PALD1: variants seen among roughly 807,000 people sequenced by gnomAD.
The protein encoded by PALD1 is paladin.
A neutral mutation model predicts 96.0 loss-of-function variants in PALD1; 57 were observed. The observed-to-expected ratio is 0.59, with a 90% CI of 0.48 to 0.74. The LOEUF (loss-of-function observed/expected upper bound fraction) is 0.74, where lower values mean the gene tolerates loss of function less well. Ranked by LOEUF, PALD1 falls within the 30% of genes least tolerant of loss-of-function variation. The pLI is 0.00. For synonymous variants in PALD1, 464 were observed against 473.6 expected (o/e 0.98, Z 0.26); for missense variants, 1,063 against 1,143.7 (o/e 0.93, Z 1.02).
chr10:70,548,782 T>C (rs1705933654), intron 18 of PALD1, among the ~76,000 whole-genome samples: 1 of 152,186 alleles, frequency 6.6e-6, no homozygotes, highest in Non-Finnish European at 1.5e-5. Flanking sequence ...GGCCCAGCTT[T>C]TGCTCAGGGT....
rs186548979 is a variant in PALD1 at position 70,556,374 on chromosome 10, G to A, written c.2263-7990G>A. On this transcript the variant is annotated intron_variant, in intron 18 of 19. Transcript: ENST00000263563. Reference sequence around the variant, plus strand: ...TCTGTTGCCCAGGCTGGAGTGCAGTGGTGCAATCATACCTCACTGTAGCCT... The same window carrying A: ...TCTGTTGCCCAGGCTGGAGTGCAGTAGTGCAATCATACCTCACTGTAGCCT... Among the ~76,000 whole-genome samples the A allele has an allele frequency of 9.2e-5, 14 of 151,966 alleles. No individual in the cohort carries two copies. In the East Asian group the frequency reaches 1.7e-3, roughly 19 times the overall value.
At chr10:70,476,817 G>C (rs1337556562), upstream of PALD1, among the ~76,000 whole-genome samples, 1 of 152,130 alleles carries the variant, frequency 6.6e-6, no homozygotes. Context: ...TTTGTTCTCT[G>C]GGAGCTAGAG....
chr10:70,530,196 C>T (rs1018226827), intron 4 of PALD1, 128 bp downstream of exon 4: 65 of 687,104 alleles, frequency 9.5e-5, no homozygotes, highest in Non-Finnish European at 1.3e-4. Context: ...GTGGCCTGGA[C>T]CAGGCCCTGC....
chr10:70,512,429 G>T (rs572224745), intron 1 of PALD1, among the ~76,000 whole-genome samples: 1 of 152,368 alleles, frequency 6.6e-6, no homozygotes, highest in South Asian at 2.1e-4. Context: ...CATGCTGTAG[G>T]CCAGGAAGGG....
At chr10:70,554,120 C>G (rs1847541450) in intron 18 of PALD1, among the ~76,000 whole-genome samples, 1 of 152,198 alleles carries the variant, frequency 6.6e-6, no homozygotes, top group Non-Finnish European at 1.5e-5. Flanking sequence ...GGGCCAGATG[C>G]TTGGGGCATT....
chr10:70,494,265 A>G (rs534099953), intron 1 of PALD1, among the ~76,000 whole-genome samples: 18 of 152,162 alleles, frequency 1.2e-4, no homozygotes, highest in African/African-American at 4.1e-4. Context: ...CTTGTATACT[A>G]TTTTACTAAT....
chr10:70,478,614 G>T (rs886773029), upstream of PALD1, among the ~76,000 whole-genome samples: 7 of 152,232 alleles, frequency 4.6e-5, no homozygotes, highest in African/African-American at 1.4e-4. Flanking sequence ...CGCAGCCGGG[G>T]AACGTGGCGC....
At chr10:70,522,658 A>G (rs1277919895) in intron 1 of PALD1, among the ~76,000 whole-genome samples, 1 of 152,168 alleles carries the variant, frequency 6.6e-6, no homozygotes, top group African/African-American at 2.4e-5. Flanking sequence ...ACAATTCACC[A>G]ACTATGCAGG....
rs754207054 is a variant in PALD1 at position 70,525,956 on chromosome 10, G to A, written c.5G>A (p.Gly2Asp). The change falls in exon 2 of 20, where the codon GGT becomes GAT. Residue 2 changes from glycine to aspartate, a missense_variant. Physicochemically the swap from Gly to Asp is moderately conservative, Grantham distance 94 (BLOSUM62 -1). Transcript: ENST00000263563. ...TCCTGAGGCTGCTGGCAGACTATGG[G>A]TACAACGGCCAGCACAGCCCAGCAG... M[G>D]TTASTAQQTV... 1 of 1,614,038 alleles carries A rather than the reference G, an allele frequency of 6.2e-7. No homozygotes were observed. Among genetic ancestry groups the A allele is most frequent in the Admixed American group, 1.7e-5 (1 of 60,030 alleles).
chr10:70,551,626 C>T (rs1847480522), intron 18 of PALD1, among the ~76,000 whole-genome samples: 1 of 151,388 alleles, frequency 6.6e-6, no homozygotes, highest in East Asian at 1.9e-4. Context: ...TTTCCTTTTC[C>T]TGGCCCCCTG....
chr10:70,560,278 A>C (rs1186924260), intron 18 of PALD1, among the ~76,000 whole-genome samples: 1 of 152,066 alleles, frequency 6.6e-6, no homozygotes, highest in Non-Finnish European at 1.5e-5. Flanking sequence ...AGGTACAGAG[A>C]CAAGAGTGAG....
chr10:70,554,918 T>TTTCTTTGAGA (rs1847563742), intron 18 of PALD1, among the ~76,000 whole-genome samples: 1 of 27,962 alleles, frequency 3.6e-5, no homozygotes. Context: ...TCCCCTCTCC[T>TTTCTTTGAGA]CCCCTCCCCC....
At chr10:70,524,025 A>G (rs898074029) in intron 1 of PALD1, among the ~76,000 whole-genome samples, 1 of 152,110 alleles carries the variant, frequency 6.6e-6, no homozygotes, top group Non-Finnish European at 1.5e-5. Context: ...TGCTGACCCC[A>G]TGACCCTACC....
intron 1 of PALD1, among the ~76,000 whole-genome samples, chr10:70,498,967 A>T (rs544569250): frequency 8.3e-4 from 126 of 151,540 alleles, no homozygotes; most frequent in African/African-American, 3.0e-3. Context: ...TTTGGGATTG[A>T]GTGAGGGGGT....
intron 1 of PALD1, among the ~76,000 whole-genome samples, chr10:70,483,084 A>C (rs537418848): frequency 4.5e-4 from 68 of 152,146 alleles, no homozygotes; most frequent in African/African-American, 1.6e-3. Context: ...GTACATGCAG[A>C]CACCATGTCT....
intron 18 of PALD1, among the ~76,000 whole-genome samples, chr10:70,560,598 C>T (rs982244062): frequency 2.0e-5 from 3 of 151,768 alleles, no homozygotes; most frequent in Non-Finnish European, 2.9e-5. Flanking sequence ...CCCTGACGCA[C>T]GTGTTCTGCT....
the PALD1 span, among the ~76,000 whole-genome samples, chr10:70,468,702 CTGTGTGTGTGTGTGTG>C: frequency 4.7e-3 from 584 of 123,884 alleles, 5 homozygotes; most frequent in African/African-American, 0.017. Flanking sequence ...TGAGGCAGGA[CTGTGTGTGTGTGTGTG>C]TGTGTGTGTG....
At chr10:70,554,413 A>C (rs1847547659) in intron 18 of PALD1, among the ~76,000 whole-genome samples, 1 of 150,922 alleles carries the variant, frequency 6.6e-6, no homozygotes, top group African/African-American at 2.4e-5. Context: ...TGGGTGACAG[A>C]GTGAGACTCC....
intron 1 of PALD1, among the ~76,000 whole-genome samples, chr10:70,482,045 G>A (rs372748992): frequency 1.3e-5 from 2 of 152,272 alleles, no homozygotes; most frequent in South Asian, 2.1e-4. Flanking sequence ...TTGATGTGGC[G>A]GTGGGGGCCT....
Sources: allele counts gnomAD v4.1 joint callset (sites outside exome capture counted in the v4.1 genomes callset), GRCh38; gene constraint gnomAD v4.1.1; transcripts MANE v1.5; gene names NCBI Gene and HGNC (gene_info 2026-07-23, HGNC 2026-07-21).